EPHA3: variants seen among roughly 807,000 people sequenced by gnomAD.
The protein encoded by EPHA3 is EPH receptor A3, also known as ephrin type-A receptor 3.
EPHA3 carries 42 observed loss-of-function variants against 107.1 expected under a neutral mutation model. The observed-to-expected ratio is 0.39, with a 90% confidence interval of 0.31 to 0.51. EPHA3 has a LOEUF of 0.51. Among genes scored for constraint, EPHA3 ranks in the 20% least tolerant of loss-of-function variants. The pLI is 0.78. For synonymous variants in EPHA3, 461 were observed against 424.8 expected, an observed-to-expected ratio of 1.09 and a Z score of -1.05; for missense variants, 1,183 against 1,211.2, an observed-to-expected ratio of 0.98 and a Z score of 0.35.
chr3:89,242,297 T>C (rs1704915365), intron 3 of EPHA3, among the ~76,000 whole-genome samples: 1 of 152,224 alleles, frequency 6.6e-6, no homozygotes, highest in South Asian at 2.1e-4. Flanking sequence ...CAATCATGTC[T>C]TGGGAGATAC....
At chr3:89,370,521 G>C (rs371373830) in intron 5 of EPHA3, among the ~76,000 whole-genome samples, 14 of 151,792 alleles carry the variant, frequency 9.2e-5, no homozygotes, top group East Asian at 7.8e-4. Flanking sequence ...GTGGGAGGAG[G>C]GGGGAGGGAT....
intron 2 of EPHA3, among the ~76,000 whole-genome samples, chr3:89,203,569 C>T (rs1706026994): frequency 6.6e-6 from 1 of 151,368 alleles, no homozygotes; most frequent in Non-Finnish European, 1.5e-5. Context: ...GTCAGGAGAT[C>T]GAGACCATCC....
At chr3:89,412,817 A>G (rs1023123666) in intron 9 of EPHA3, among the ~76,000 whole-genome samples, 2 of 151,796 alleles carry the variant, frequency 1.3e-5, no homozygotes, top group Admixed American at 1.3e-4. Flanking sequence ...TGCTCCTGGT[A>G]GTAATGACTA....
rs138376716 is a variant in EPHA3, at chr3:89,210,500, A to G, written c.794A>G (p.Glu265Gly). 115 of 1,557,346 alleles carry G rather than the reference A, an allele frequency of 7.4e-5. No homozygotes were observed. The African/African-American group carries it at 1.4e-3, about 19-fold the overall frequency. The change falls in exon 3 of 17, where the codon GAA becomes GGA. Residue 265 changes from glutamate to glycine, a missense_variant. Coordinates refer to ENST00000336596, the MANE Select transcript of EPHA3 (RefSeq NM_005233.6). ...TGTTCCTGCAATGCTGGCTATGAAG[A>G]AAGAGGTTTTATGTGCCAAGGTAAG... is the stretch of plus-strand genomic sequence containing the variant. The part of the protein sequence containing the change: ...GKCSCNAGYE[E>G]RGFMCQACRP...
intron 13 of EPHA3, among the ~76,000 whole-genome samples, chr3:89,443,506 A>G (rs1576381118): frequency 6.6e-6 from 1 of 152,334 alleles, no homozygotes; most frequent in Admixed American, 6.5e-5. Flanking sequence ...GCTCATTCAC[A>G]TTCACATATA....
At chr3:89,284,051 T>C (rs1482927794) in intron 3 of EPHA3, among the ~76,000 whole-genome samples, 1 of 152,106 alleles carries the variant, frequency 6.6e-6, no homozygotes, top group African/African-American at 2.4e-5. Flanking sequence ...AAAATTTACT[T>C]TATACACATG....
chr3:89,111,374 A>T (rs1482330589), intron 1 of EPHA3, among the ~76,000 whole-genome samples: 4 of 152,092 alleles, frequency 2.6e-5, no homozygotes, highest in Non-Finnish European at 4.4e-5. Context: ...CTATCATATC[A>T]TCTTTATAAG....
chr3:89,281,196 T>C (rs942778622), intron 3 of EPHA3, among the ~76,000 whole-genome samples: 1 of 152,040 alleles, frequency 6.6e-6, no homozygotes, highest in Admixed American at 6.5e-5. Flanking sequence ...GCTAATTTCT[T>C]TTGTGTTTTA....
chr3:89,121,193 G>A (rs1707374322), intron 1 of EPHA3, among the ~76,000 whole-genome samples: 1 of 152,006 alleles, frequency 6.6e-6, no homozygotes, highest in South Asian at 2.1e-4. Flanking sequence ...AGGAGATCGT[G>A]CCACTGCACT....
intron 3 of EPHA3, among the ~76,000 whole-genome samples, chr3:89,219,698 T>TGTTTTTTTTTTTG (rs1559606344): frequency 7.9e-5 from 1 of 12,622 alleles, no homozygotes; most frequent in South Asian, 2.6e-3. Flanking sequence ...GTTTTTTTTT[T>TGTTTTTTTTTTTG]TTTTGTTTTT....
rs1258440400 is a variant in EPHA3, at chr3:89,156,087, T to C, written c.153+28814T>C. Among the ~76,000 whole-genome samples, 5 of 152,118 alleles carry C rather than the reference T, an allele frequency of 3.3e-5. No individual in the cohort carries two copies. In the South Asian group the frequency reaches 1.0e-3, roughly 31 times the overall value. On this transcript the variant is annotated intron_variant, in intron 2 of 16. Transcript: ENST00000336596. ...TTACTGGAGGCCGTTGGGAAGAAGA[T>C]ACTGTTTACGTGCAAGTTTGAGAGT...
intron 5 of EPHA3, among the ~76,000 whole-genome samples, chr3:89,363,959 G>C (rs1237925357): frequency 6.6e-6 from 1 of 150,454 alleles, no homozygotes; most frequent in Non-Finnish European, 1.5e-5. Context: ...AATCTCACTT[G>C]GATGACCACT....
At chr3:89,200,881 C>T (rs1023065034) in intron 2 of EPHA3, among the ~76,000 whole-genome samples, 12 of 152,034 alleles carry the variant, frequency 7.9e-5, no homozygotes, top group African/African-American at 1.9e-4. Context: ...TCTGTGTGAG[C>T]GTGCCCTTCA....
chr3:89,238,773 T>C (rs981160694), intron 3 of EPHA3, among the ~76,000 whole-genome samples: 8 of 152,210 alleles, frequency 5.3e-5, no homozygotes, highest in Admixed American at 4.6e-4. Flanking sequence ...TTTCCATAAC[T>C]TTAAATGCCA....
intron 5 of EPHA3, among the ~76,000 whole-genome samples, chr3:89,359,304 A>G (rs1373546236): frequency 6.6e-6 from 1 of 151,004 alleles, no homozygotes; most frequent in African/African-American, 2.4e-5. Flanking sequence ...AATATTTGTT[A>G]AGACATACAT....
intron 10 of EPHA3, among the ~76,000 whole-genome samples, chr3:89,416,766 A>G (rs1358370328): frequency 6.6e-6 from 1 of 151,460 alleles, no homozygotes; most frequent in African/African-American, 2.4e-5. Context: ...ATGAATTTCG[A>G]AGGTAAATAT....
intron 1 of EPHA3, among the ~76,000 whole-genome samples, chr3:89,117,417 T>C (rs1707283023): frequency 6.6e-6 from 1 of 152,108 alleles, no homozygotes; most frequent in Non-Finnish European, 1.5e-5. Context: ...AAACGCAATT[T>C]AGCAATTAAT....
At chr3:89,476,673 T>A (rs1710517510) in intron 16 of EPHA3, among the ~76,000 whole-genome samples, 1 of 151,536 alleles carries the variant, frequency 6.6e-6, no homozygotes, top group Non-Finnish European at 1.5e-5. Flanking sequence ...AGTGGCGCGA[T>A]CTCGGCTCAC....
intron 2 of EPHA3, among the ~76,000 whole-genome samples, chr3:89,127,628 G>A (rs1704121212): frequency 6.6e-6 from 1 of 151,878 alleles, no homozygotes; most frequent in Non-Finnish European, 1.5e-5. Flanking sequence ...GTGTGTATTT[G>A]GAGACGGTAA....
Sources: allele counts gnomAD v4.1 joint callset (sites outside exome capture counted in the v4.1 genomes callset), GRCh38; gene constraint gnomAD v4.1.1; transcripts MANE v1.5; gene names NCBI Gene and HGNC (gene_info 2026-07-23, HGNC 2026-07-21).